The following CDH8 variants were observed in gnomAD, a reference collection of about 807,000 sequenced individuals.
CDH8 encodes the protein cadherin 8.
In CDH8, 17 loss-of-function variants were observed where a neutral mutation model predicts 68.1. That is an observed-to-expected ratio of 0.25 (90% confidence interval 0.17 to 0.37). The LOEUF is 0.37. Among genes scored for constraint, CDH8 ranks in the 10% least tolerant of loss-of-function variants. CDH8 has a pLI of 1.00. For missense variants in CDH8, 763 were observed against 999.3 expected, an observed-to-expected ratio of 0.76 and a Z score of 3.19; for synonymous variants, 372 against 365.1, an observed-to-expected ratio of 1.02 and a Z score of -0.21.
chr16:61,766,753 T>A, intron 8 of CDH8, among the ~76,000 whole-genome samples: 1 of 151,956 alleles, frequency 6.6e-6, no homozygotes, highest in East Asian at 1.9e-4. Context: ...CTCAATTTTA[T>A]AAAATGGAGA....
intron 10 of CDH8, among the ~76,000 whole-genome samples, chr16:61,712,483 T>C (rs1964649001): frequency 6.6e-6 from 1 of 151,702 alleles, no homozygotes; most frequent in Non-Finnish European, 1.5e-5. Flanking sequence ...ACTTACTAGT[T>C]CAAAATCAGA....
chr16:61,662,796 A>G (rs191554397), intron 10 of CDH8, among the ~76,000 whole-genome samples: 1 of 151,976 alleles, frequency 6.6e-6, no homozygotes, highest in Non-Finnish European at 1.5e-5. Flanking sequence ...ATTTTATGTA[A>G]GAGACTTTGT....
intron 8 of CDH8, among the ~76,000 whole-genome samples, chr16:61,742,813 T>C (rs1959912530): frequency 1.3e-5 from 2 of 152,176 alleles, no homozygotes; most frequent in African/African-American, 2.4e-5. Context: ...ACACTGACTT[T>C]GGGACATTAA....
chr16:61,807,783 C>T (rs779956426), intron 7 of CDH8, among the ~76,000 whole-genome samples: 3 of 152,170 alleles, frequency 2.0e-5, no homozygotes, highest in African/African-American at 7.2e-5. Flanking sequence ...CTCTGATAAG[C>T]AACACTGATT....
At chr16:61,739,475 AT>A (rs909291239) in intron 8 of CDH8, among the ~76,000 whole-genome samples, 4 of 151,160 alleles carry the variant, frequency 2.6e-5, no homozygotes, top group African/African-American at 7.3e-5. Flanking sequence ...CAAAATGAAG[AT>A]TTTTTTTTCA....
chr16:61,674,758 A>T (rs938214226), intron 10 of CDH8, among the ~76,000 whole-genome samples: 1 of 152,086 alleles, frequency 6.6e-6, no homozygotes, highest in Non-Finnish European at 1.5e-5. Context: ...GAAAACAATA[A>T]GAGAAATGGA....
At chr16:61,829,272 G>A (rs1278084369) in intron 4 of CDH8, among the ~76,000 whole-genome samples, 2 of 151,668 alleles carry the variant, frequency 1.3e-5, no homozygotes, top group East Asian at 3.9e-4. Context: ...GTTCCTTAAG[G>A]TCTAGGAGTC....
chr16:61,899,625 C>G (rs527313403), intron 3 of CDH8, among the ~76,000 whole-genome samples: 8 of 151,972 alleles, frequency 5.3e-5, no homozygotes, highest in Non-Finnish European at 1.0e-4. Flanking sequence ...CTCTGAGGAA[C>G]AAAATCACCT....
intron 1 of CDH8, among the ~76,000 whole-genome samples, chr16:62,023,032 A>G (rs1902111271): frequency 6.6e-6 from 1 of 152,202 alleles, no homozygotes; most frequent in South Asian, 2.1e-4. Flanking sequence ...AACGGAGTCC[A>G]GAACAAAGTC....
At chr16:61,896,681 AG>A (rs1963873791) in intron 3 of CDH8, among the ~76,000 whole-genome samples, 1 of 152,202 alleles carries the variant, frequency 6.6e-6, no homozygotes, top group African/African-American at 2.4e-5. Context: ...TTAACCAGAG[AG>A]GCTGTAGTCA....
intron 2 of CDH8, among the ~76,000 whole-genome samples, chr16:61,971,875 A>G (rs1442110107): frequency 6.6e-6 from 1 of 152,248 alleles, no homozygotes; most frequent in Non-Finnish European, 1.5e-5. Context: ...TATATATTTT[A>G]CAATATCATC....
intron 9 of CDH8, among the ~76,000 whole-genome samples, chr16:61,716,045 C>T (rs1964724590): frequency 6.6e-6 from 1 of 151,606 alleles, no homozygotes; most frequent in African/African-American, 2.4e-5. Context: ...GACTTCTAGC[C>T]CCAGGTGCAA....
At chr16:61,835,639 T>G (rs1435849845) in intron 4 of CDH8, among the ~76,000 whole-genome samples, 1 of 151,996 alleles carries the variant, frequency 6.6e-6, no homozygotes, top group East Asian at 1.9e-4. Context: ...TGAAATTTCT[T>G]TTTTCCTAAA....
chr16:61,700,558 C>T (rs983577517), intron 10 of CDH8, among the ~76,000 whole-genome samples: 3 of 152,110 alleles, frequency 2.0e-5, no homozygotes, highest in African/African-American at 4.8e-5. Context: ...GGATTACGAG[C>T]GTGAGCCACC....
At chr16:61,726,564 A>G in intron 9 of CDH8, 1 of 151,958 alleles carries the variant, frequency 6.6e-6, no homozygotes, top group East Asian at 1.9e-4. Flanking sequence ...AGGCACAAAA[A>G]ATGTTCTACT....
intron 3 of CDH8, among the ~76,000 whole-genome samples, chr16:61,890,868 T>C (rs189015512): frequency 6.6e-6 from 1 of 152,170 alleles, no homozygotes; most frequent in African/African-American, 2.4e-5. Flanking sequence ...CATAGACCAA[T>C]TGTAAAAGAA....
In CDH8 at chr16:61,960,306, TAC is replaced by T. The variant is rs1196528029; in HGVS notation, c.253-58835_253-58834del. On this transcript the variant is annotated intron_variant, in intron 2 of 11. Transcript: ENST00000577390. The stretch of plus-strand genomic sequence containing the variant: ...ACACACATATATACGTGTGTGTGTA[TAC>T]ACACATATATACGTGTGTGTGTATA... Among the ~76,000 whole-genome samples the T allele has an allele frequency of 4.2e-5, 4 of 95,038 alleles. 1 individual carries two copies. The highest frequency in any genetic ancestry group is 3.2e-4 in the South Asian group (1 of 3,142). 62.3% of individuals were successfully genotyped at this position (95,038 alleles called of 152,430 possible).
rs77447483 is a variant in CDH8 at position 61,685,943 on chromosome 16, C to A, written c.1654+27898G>T. Among the ~76,000 whole-genome samples, 934 of 151,954 alleles carry A rather than the reference C, an allele frequency of 6.1e-3. 8 individuals carry two copies. Among genetic ancestry groups the A allele is most frequent in the Non-Finnish European group, 6.9e-3 (466 of 67,888 alleles). ...ATTGGATGGTAAATTTATTTATGGGCGGGAGTCTTTGTCTTAAATAACTTA... is the reference window on the plus strand; with the variant it reads ...ATTGGATGGTAAATTTATTTATGGGAGGGAGTCTTTGTCTTAAATAACTTA... On this transcript the variant is annotated intron_variant, in intron 10 of 11. Transcript: ENST00000577390.
chr16:61,822,610 G>A (rs1051583036), intron 5 of CDH8, among the ~76,000 whole-genome samples: 7 of 151,704 alleles, frequency 4.6e-5, no homozygotes, highest in South Asian at 2.1e-4. Flanking sequence ...TTAGAATCAC[G>A]AAGTTATAGG....
Sources: gnomAD v4.1 joint callset for allele counts (sites outside exome capture counted in the v4.1 genomes callset) on GRCh38, gnomAD v4.1.1 for gene constraint, MANE v1.5 for transcripts, NCBI Gene and HGNC (gene_info 2026-07-23, HGNC 2026-07-21) for gene names.